Variants in ROR1 observed in about 807,000 individuals in gnomAD.
ROR1 encodes ROR family WNT receptor 1.
A neutral mutation model predicts 78.8 loss-of-function variants in ROR1; 19 were observed. The ratio of observed to expected loss-of-function variants is 0.24; its 90% CI spans 0.17 to 0.35. ROR1 has a LOEUF of 0.35. Ranked by LOEUF, ROR1 falls within the 10% of genes least tolerant of loss-of-function variation. The pLI, the probability that ROR1 is intolerant of heterozygous loss-of-function variation, is 1.00. For synonymous variants in ROR1, 386 were observed against 433.6 expected, an observed-to-expected ratio of 0.89 and a Z score of 1.36; for missense variants, 917 against 1,177.8, an observed-to-expected ratio of 0.78 and a Z score of 3.24.
chr1:63,826,211 C>T (rs1456588994), intron 1 of ROR1, among the ~76,000 whole-genome samples: 3 of 152,128 alleles, frequency 2.0e-5, no homozygotes, highest in Admixed American at 2.0e-4. Context: ...GCCTAGGACT[C>T]ATTAGTTATT....
At chr1:63,848,180 T>C (rs1362812962) in intron 1 of ROR1, among the ~76,000 whole-genome samples, 1 of 152,356 alleles carries the variant, frequency 6.6e-6, no homozygotes, top group Admixed American at 6.5e-5. Flanking sequence ...CCTTTGAATC[T>C]GTATTTAATG....
At chr1:63,851,702 A>G (rs973330971) in intron 1 of ROR1, among the ~76,000 whole-genome samples, 1 of 152,252 alleles carries the variant, frequency 6.6e-6, no homozygotes, top group African/African-American at 2.4e-5. Flanking sequence ...ATATGCAAAC[A>G]ATTATAAGCT....
intron 4 of ROR1, among the ~76,000 whole-genome samples, chr1:64,072,668 C>T (rs1647016720): frequency 6.6e-6 from 1 of 152,124 alleles, no homozygotes; most frequent in African/African-American, 2.4e-5. Context: ...AATAATAGTT[C>T]CCACAGGTCT....
intron 1 of ROR1, among the ~76,000 whole-genome samples, chr1:63,988,276 A>AT (rs1557596997): frequency 3.3e-5 from 5 of 152,116 alleles, no homozygotes. Flanking sequence ...AAATAAAACA[A>AT]TTTTTTACTT....
chr1:63,923,368 C>T (rs1399898539), intron 1 of ROR1, among the ~76,000 whole-genome samples: 2 of 152,062 alleles, frequency 1.3e-5, no homozygotes, highest in Non-Finnish European at 2.9e-5. Flanking sequence ...TTTTCACCTG[C>T]AAGTGGGAAT....
At chr1:63,937,069 T>C (rs1645799531) in intron 1 of ROR1, among the ~76,000 whole-genome samples, 1 of 152,188 alleles carries the variant, frequency 6.6e-6, no homozygotes, top group South Asian at 2.1e-4. Flanking sequence ...AACATATCAA[T>C]TAGGAGATGT....
At chr1:63,936,022 T>C (rs1645791562) in intron 1 of ROR1, among the ~76,000 whole-genome samples, 1 of 152,150 alleles carries the variant, frequency 6.6e-6, no homozygotes, top group Non-Finnish European at 1.5e-5. Context: ...GAAAGGGAGA[T>C]TAACCAGGAA....
chr1:63,920,507 G>A (rs1249540460), intron 1 of ROR1, among the ~76,000 whole-genome samples: 1 of 152,158 alleles, frequency 6.6e-6, no homozygotes, highest in African/African-American at 2.4e-5. Flanking sequence ...CTGTCTGACC[G>A]GATTCAGGAG....
chr1:63,881,204 TAATA>T (rs1367951819), intron 1 of ROR1, among the ~76,000 whole-genome samples: 1 of 152,232 alleles, frequency 6.6e-6, no homozygotes, highest in East Asian at 1.9e-4. Context: ...TAGAGTGTGA[TAATA>T]AATGAGTTTC....
intron 2 of ROR1, among the ~76,000 whole-genome samples, chr1:64,015,114 A>G (rs896540699): frequency 6.6e-6 from 1 of 151,972 alleles, no homozygotes; most frequent in Non-Finnish European, 1.5e-5. Context: ...GCTTGTGCAG[A>G]GAAACTCCTG....
intron 1 of ROR1, among the ~76,000 whole-genome samples, chr1:63,835,499 T>C (rs1645014469): frequency 6.6e-6 from 1 of 152,210 alleles, no homozygotes; most frequent in Non-Finnish European, 1.5e-5. Flanking sequence ...ACTCCCAGTT[T>C]TGCTAAAATC....
chr1:64,175,765 G>A (rs1650362678), intron 8 of ROR1, among the ~76,000 whole-genome samples: 1 of 152,166 alleles, frequency 6.6e-6, no homozygotes, highest in Non-Finnish European at 1.5e-5. Flanking sequence ...ATTTTGCCCT[G>A]GAAAATATCA....
chr1:64,136,989 A>G (rs1370041231), intron 4 of ROR1, among the ~76,000 whole-genome samples: 1 of 152,178 alleles, frequency 6.6e-6, no homozygotes, highest in Non-Finnish European at 1.5e-5. Context: ...CCTTTGTAGC[A>G]AATGAAGCAG....
chr1:64,177,262 C>T (rs1319049079), intron 8 of ROR1, among the ~76,000 whole-genome samples, 166 bp from the exon 9 acceptor site: 2 of 152,188 alleles, frequency 1.3e-5, no homozygotes, highest in Non-Finnish European at 2.9e-5. Flanking sequence ...GTCTATGGCA[C>T]CTCCCCTGAG....
chr1:64,169,402 G>A (rs943459500), intron 8 of ROR1, among the ~76,000 whole-genome samples: 2 of 152,162 alleles, frequency 1.3e-5, no homozygotes, highest in East Asian at 3.9e-4. Flanking sequence ...GAGAGCTTGT[G>A]CGGGGAAACT....
chr1:63,891,944 C>G (rs1645400180), intron 1 of ROR1, among the ~76,000 whole-genome samples: 1 of 152,120 alleles, frequency 6.6e-6, no homozygotes, highest in Non-Finnish European at 1.5e-5. Context: ...TTGTATGACC[C>G]AACCCCCATA....
intron 1 of ROR1, among the ~76,000 whole-genome samples, chr1:63,851,254 A>G (rs998781525): frequency 1.3e-5 from 2 of 152,218 alleles, no homozygotes; most frequent in African/African-American, 4.8e-5. Context: ...CTGGGATTAC[A>G]GGCGTGAGCC....
chr1:64,159,579 A>G (rs1649878854), intron 8 of ROR1, among the ~76,000 whole-genome samples: 1 of 152,190 alleles, frequency 6.6e-6, no homozygotes. Context: ...CACAAACTTC[A>G]CTGTCAAGAA....
chr1:64,067,710 C>CTTTTTTTT (rs986756579), intron 4 of ROR1, among the ~76,000 whole-genome samples: 3 of 105,642 alleles, frequency 2.8e-5, no homozygotes, highest in South Asian at 3.0e-4. Flanking sequence ...TAAATAAATT[C>CTTTTTTTT]TTTTTTTTTT....
Sources: allele counts gnomAD v4.1 joint callset (sites outside exome capture counted in the v4.1 genomes callset), GRCh38; gene constraint gnomAD v4.1.1; transcripts MANE v1.5; gene names NCBI Gene and HGNC (gene_info 2026-07-23, HGNC 2026-07-21).